Variants in CLNK observed in about 807,000 individuals in gnomAD.
The protein encoded by CLNK is cytokine dependent hematopoietic cell linker.
In CLNK, 74 loss-of-function variants were observed where a neutral mutation model predicts 68.6. The ratio of observed to expected loss-of-function variants is 1.08; its 90% CI spans 0.89 to 1.31. CLNK has a LOEUF of 1.31. Ranked by LOEUF, CLNK falls within the 50% of genes most tolerant of loss-of-function variation. The pLI, the probability that CLNK is intolerant of heterozygous loss-of-function variation, is 0.00. For synonymous variants in CLNK, 198 were observed against 172.2 expected (o/e 1.15, Z -1.17); for missense variants, 553 against 515.3 (o/e 1.07, Z -0.71).
the CLNK span, among the ~76,000 whole-genome samples, chr4:10,701,390 G>A: frequency 6.6e-6 from 1 of 152,316 alleles, no homozygotes; most frequent in East Asian, 1.9e-4. Flanking sequence ...CGAGACCACA[G>A]CTGAAAGCCA....
At chr4:10,723,539 G>C in the CLNK span, among the ~76,000 whole-genome samples, 1 of 152,132 alleles carries the variant, frequency 6.6e-6, no homozygotes. Flanking sequence ...CTAAGAAAGT[G>C]TTTGGGAAAC....
intron 15 of CLNK, 68 bp downstream of exon 15, chr4:10,520,723 T>C (rs1718026037): frequency 3.3e-6 from 4 of 1,229,476 alleles, no homozygotes; most frequent in Non-Finnish European, 4.7e-6. Context: ...AACAGCTAAG[T>C]CACAGTGCCA....
At chr4:10,691,043 G>T in the CLNK span, among the ~76,000 whole-genome samples, 1 of 152,144 alleles carries the variant, frequency 6.6e-6, no homozygotes, top group East Asian at 1.9e-4. Flanking sequence ...GGTGAAGTTT[G>T]AGCTGAGGTC....
intron 2 of CLNK, among the ~76,000 whole-genome samples, chr4:10,614,565 C>A (rs980396101): frequency 6.6e-6 from 1 of 152,170 alleles, no homozygotes; most frequent in African/African-American, 2.4e-5. Flanking sequence ...GGTTCCCAGA[C>A]CAGCAGCATC....
At chr4:10,538,863 G>A (rs1214784578) in intron 11 of CLNK, among the ~76,000 whole-genome samples, 8 of 152,190 alleles carry the variant, frequency 5.3e-5, no homozygotes, top group Admixed American at 5.2e-4. Context: ...GGTAATAAAA[G>A]TGCAATAAGT....
Position 10,602,794 on chromosome 4 carries a change from T to G in CLNK, c.12-4745A>C, listed in dbSNP as rs114204444. On this transcript the variant is annotated intron_variant, in intron 2 of 18. Coordinates refer to ENST00000226951, the MANE Select transcript of CLNK (RefSeq NM_052964.4). Reference sequence around the variant, plus strand: ...AACACAGGCAATGCAATAGGCACAATGATAAAAAATGTACACATGGTCTAG... The same window carrying G: ...AACACAGGCAATGCAATAGGCACAAGGATAAAAAATGTACACATGGTCTAG... Among the ~76,000 whole-genome samples the G allele has an allele frequency of 5.1e-4, 77 of 152,166 alleles. 1 individual carries two copies. Among genetic ancestry groups the G allele is most frequent in the Non-Finnish European group, 2.5e-4 (17 of 67,994 alleles).
the CLNK span, among the ~76,000 whole-genome samples, chr4:10,699,512 A>ATATATTT: frequency 3.1e-5 from 1 of 32,766 alleles, no homozygotes; most frequent in African/African-American, 1.2e-4. Context: ...ATATATATAT[A>ATATATTT]TTTTTTTTTT....
At chr4:10,670,504 A>C (rs1724585524) in intron 1 of CLNK, among the ~76,000 whole-genome samples, 1 of 152,240 alleles carries the variant, frequency 6.6e-6, no homozygotes, top group Non-Finnish European at 1.5e-5. Context: ...CCACAGATGC[A>C]GAACAGTTCC....
At chr4:10,646,843 C>A (rs1298772113) in intron 2 of CLNK, among the ~76,000 whole-genome samples, 1 of 152,204 alleles carries the variant, frequency 6.6e-6, no homozygotes, top group Admixed American at 6.5e-5. Flanking sequence ...TAGAGCAACT[C>A]TGTGAACAAA....
intron 1 of CLNK, among the ~76,000 whole-genome samples, chr4:10,673,607 T>A (rs1056091418): frequency 6.8e-6 from 1 of 146,400 alleles, no homozygotes; most frequent in Non-Finnish European, 1.5e-5. Context: ...TCACAGGTGG[T>A]AGTTGAACAA....
At chr4:10,552,889 C>T (rs1577124945) in intron 8 of CLNK, among the ~76,000 whole-genome samples, 1 of 152,130 alleles carries the variant, frequency 6.6e-6, no homozygotes, top group South Asian at 2.1e-4. Context: ...CTTCTCTGTC[C>T]CTTCCATACA....
chr4:10,565,775 G>A (rs950032964), intron 6 of CLNK, among the ~76,000 whole-genome samples: 2 of 152,032 alleles, frequency 1.3e-5, no homozygotes, highest in Non-Finnish European at 2.9e-5. Flanking sequence ...CTCAACATGC[G>A]TCATTCACAT....
intron 7 of CLNK, among the ~76,000 whole-genome samples, 165 bp downstream of exon 7, chr4:10,564,506 G>A (rs1229316227): frequency 1.3e-5 from 2 of 152,096 alleles, no homozygotes; most frequent in Non-Finnish European, 2.9e-5. Context: ...CCAGTCATAA[G>A]AGTCACCTCC....
chr4:10,563,169 A>G (rs1433894747), intron 7 of CLNK, among the ~76,000 whole-genome samples: 1 of 152,226 alleles, frequency 6.6e-6, no homozygotes, highest in Admixed American at 6.5e-5. Flanking sequence ...GAAGCCCTCA[A>G]GTTAAACAGA....
At chr4:10,593,359 AGAG>A (rs1222350106) in intron 3 of CLNK, among the ~76,000 whole-genome samples, 2 of 152,072 alleles carry the variant, frequency 1.3e-5, no homozygotes, top group African/African-American at 4.8e-5. Flanking sequence ...TTCATGGAAT[AGAG>A]GAGGACTCCA....
intron 13 of CLNK, among the ~76,000 whole-genome samples, chr4:10,526,757 A>G (rs1718339546): frequency 6.6e-6 from 1 of 152,190 alleles, no homozygotes; most frequent in East Asian, 1.9e-4. Context: ...AGTTCTGCCA[A>G]CCATACAATC....
chr4:10,683,548 C>T (rs1725166528), intron 1 of CLNK, among the ~76,000 whole-genome samples: 1 of 152,290 alleles, frequency 6.6e-6, no homozygotes, highest in African/African-American at 2.4e-5. Context: ...AGTGACTGAA[C>T]AACCTTGCAC....
Position 10,508,924 on chromosome 4 carries a change from T to A in CLNK, c.907-888A>T, listed in dbSNP as rs10028252. ...GAGATCGAGACCATCCTGGCCAACA[T>A]GGTGAAACCCCGTCTCTACTAAAAC... On this transcript the variant is annotated intron_variant, in intron 16 of 18. Transcript: ENST00000226951. Among the ~76,000 whole-genome samples the A allele has an allele frequency of 3.9e-5, 6 of 151,920 alleles. No homozygotes were observed. The South Asian group carries it at 1.0e-3, about 26-fold the overall frequency.
chr4:10,608,910 C>A (rs957025421), intron 2 of CLNK, among the ~76,000 whole-genome samples: 1 of 152,178 alleles, frequency 6.6e-6, no homozygotes, highest in Non-Finnish European at 1.5e-5. Context: ...AGCTGTTTCC[C>A]TGTGGTATCC....
Sources: gnomAD v4.1 joint callset for allele counts (sites outside exome capture counted in the v4.1 genomes callset) on GRCh38, gnomAD v4.1.1 for gene constraint, MANE v1.5 for transcripts, NCBI Gene and HGNC (gene_info 2026-07-23, HGNC 2026-07-21) for gene names.